The following FAF1 variants were observed in gnomAD, a reference collection of about 807,000 sequenced individuals.
FAF1 encodes the protein Fas associated factor 1.
FAF1 carries 25 observed loss-of-function variants against 92.5 expected under a neutral mutation model. The observed-to-expected ratio is 0.27, with a 90% CI of 0.20 to 0.38. The LOEUF (loss-of-function observed/expected upper bound fraction) is 0.38, where lower values mean the gene tolerates loss of function less well. Ranked by LOEUF, FAF1 falls within the 10% of genes least tolerant of loss-of-function variation. The pLI, the probability that FAF1 is intolerant of heterozygous loss-of-function variation, is 1.00. For missense variants in FAF1, 636 were observed against 793.3 expected, an observed-to-expected ratio of 0.80 and a Z score of 2.38; for synonymous variants, 234 against 273.2, an observed-to-expected ratio of 0.86 and a Z score of 1.42.
intron 4 of FAF1, among the ~76,000 whole-genome samples, chr1:50,751,080 G>A (rs1473217191): frequency 7.5e-6 from 1 of 134,030 alleles, no homozygotes; most frequent in Non-Finnish European, 1.5e-5. Flanking sequence ...TGTTAAACAA[G>A]CTGTACATCC....
intron 1 of FAF1, among the ~76,000 whole-genome samples, chr1:50,883,884 G>A (rs1046871990): frequency 6.6e-6 from 1 of 152,144 alleles, no homozygotes; most frequent in Non-Finnish European, 1.5e-5. Context: ...CAGCACTTTG[G>A]GAGGGTGAGG....
intron 2 of FAF1, among the ~76,000 whole-genome samples, chr1:50,856,881 T>A (rs1206229383): frequency 1.3e-5 from 2 of 151,734 alleles, no homozygotes; most frequent in African/African-American, 4.8e-5. Flanking sequence ...TTAAAAAGAA[T>A]GATGAACAGC....
intron 1 of FAF1, among the ~76,000 whole-genome samples, chr1:50,861,647 C>T (rs1644433706): frequency 6.6e-6 from 1 of 151,676 alleles, no homozygotes; most frequent in Non-Finnish European, 1.5e-5. Context: ...CAAACTTTAC[C>T]ACTATACAAT....
chr1:50,679,128 T>C (rs747709387), intron 7 of FAF1, among the ~76,000 whole-genome samples: 1 of 152,186 alleles, frequency 6.6e-6, no homozygotes, highest in Non-Finnish European at 1.5e-5. Flanking sequence ...AGATCTTTTA[T>C]CTACCAAACA....
intron 7 of FAF1, among the ~76,000 whole-genome samples, chr1:50,674,725 A>C (rs894807440): frequency 3.9e-5 from 6 of 152,156 alleles, no homozygotes; most frequent in Non-Finnish European, 8.8e-5. Context: ...AATCATAGCC[A>C]ATGAAAGTCA....
At chr1:50,525,681 T>A (rs1195258783) in intron 15 of FAF1, among the ~76,000 whole-genome samples, 1 of 152,206 alleles carries the variant, frequency 6.6e-6, no homozygotes, top group Non-Finnish European at 1.5e-5. Flanking sequence ...ATGTTGGCTG[T>A]GGGTTTTTCA....
intron 1 of FAF1, among the ~76,000 whole-genome samples, chr1:50,860,772 C>CA (rs1470575547): frequency 1.3e-5 from 2 of 151,738 alleles, no homozygotes; most frequent in Admixed American, 6.6e-5. Context: ...ACCAAAAAGA[C>CA]AAATTCACTC....
At chr1:50,758,912 G>A (rs1482730986) in intron 4 of FAF1, among the ~76,000 whole-genome samples, 5 of 151,822 alleles carry the variant, frequency 3.3e-5, no homozygotes, top group South Asian at 2.1e-4. Context: ...GTGCGATCTC[G>A]GCTCTCTGCA....
intron 1 of FAF1, among the ~76,000 whole-genome samples, chr1:50,907,024 A>G (rs1644844631): frequency 1.3e-5 from 2 of 152,116 alleles, no homozygotes; most frequent in Non-Finnish European, 2.9e-5. Context: ...GTTTGTCATA[A>G]ATAGCTCTTA....
intron 8 of FAF1, among the ~76,000 whole-genome samples, chr1:50,647,492 T>A (rs1383788440): frequency 1.3e-5 from 2 of 151,640 alleles, no homozygotes; most frequent in Non-Finnish European, 2.9e-5. Flanking sequence ...TTGCGAATCA[T>A]TTTTTTTTCT....
intron 6 of FAF1, among the ~76,000 whole-genome samples, chr1:50,721,065 T>G (rs1308878195): frequency 1.3e-5 from 2 of 152,226 alleles, no homozygotes; most frequent in Admixed American, 6.5e-5. Flanking sequence ...AAATGCAATT[T>G]GTACCCAGCC....
chr1:50,745,035 C>T (rs1308970563), intron 4 of FAF1, among the ~76,000 whole-genome samples: 5 of 152,148 alleles, frequency 3.3e-5, no homozygotes, highest in Non-Finnish European at 7.3e-5. Flanking sequence ...TGCCTGTAAT[C>T]CCAGCACTTT....
chr1:50,582,851 T>A, intron 11 of FAF1, 152 bp from the exon 12 acceptor site: 1 of 586,144 alleles, frequency 1.7e-6, no homozygotes. Context: ...GGAAATGAGC[T>A]TTATTGGTTT....
chr1:50,916,080 A>C (rs1644916786), intron 1 of FAF1, among the ~76,000 whole-genome samples: 1 of 152,196 alleles, frequency 6.6e-6, no homozygotes, highest in Non-Finnish European at 1.5e-5. Flanking sequence ...CATACTCTTA[A>C]ATGTGAATAG....
At chr1:50,589,748 T>G (rs1454075349) in intron 9 of FAF1, among the ~76,000 whole-genome samples, 1 of 152,218 alleles carries the variant, frequency 6.6e-6, no homozygotes, top group East Asian at 1.9e-4. Context: ...AAGATATCAT[T>G]GCCAAATCCA....
intron 4 of FAF1, among the ~76,000 whole-genome samples, chr1:50,755,660 C>T (rs953555404): frequency 6.6e-6 from 1 of 152,158 alleles, no homozygotes; most frequent in Non-Finnish European, 1.5e-5. Flanking sequence ...TAGCAGAGGC[C>T]CTCCAGGAGT....
intron 13 of FAF1, among the ~76,000 whole-genome samples, chr1:50,564,342 A>G (rs1365446492): frequency 6.6e-6 from 1 of 151,694 alleles, no homozygotes; most frequent in East Asian, 1.9e-4. Context: ...GAGGCAAGCT[A>G]TTAACCAGGA....
chr1:50,787,976 G>A, intron 4 of FAF1, 24 bp downstream of exon 4: 1 of 1,575,708 alleles, frequency 6.3e-7, no homozygotes, highest in East Asian at 2.2e-5. Flanking sequence ...ATTTGTGAAG[G>A]CTTTATGGCA....
At chr1:50,865,885 C>T (rs1411139548) in intron 1 of FAF1, among the ~76,000 whole-genome samples, 5 of 145,382 alleles carry the variant, frequency 3.4e-5, no homozygotes, top group Admixed American at 3.4e-4. Context: ...AATTCACAGA[C>T]CATTACCGAG....
Sources: allele counts gnomAD v4.1 joint callset (sites outside exome capture counted in the v4.1 genomes callset), GRCh38; gene constraint gnomAD v4.1.1; transcripts MANE v1.5; gene names NCBI Gene and HGNC (gene_info 2026-07-23, HGNC 2026-07-21).